The following FAM174A variants were observed in gnomAD, a reference collection of about 807,000 sequenced individuals.
FAM174A encodes the protein family with sequence similarity 174 member A, also known as membrane protein FAM174A.
FAM174A carries 14 observed loss-of-function variants against 14.3 expected under a neutral mutation model. The observed-to-expected ratio is 0.98, with a 90% CI of 0.65 to 1.53. FAM174A has a LOEUF of 1.53. FAM174A is among the 40% of genes most tolerant of loss of function. FAM174A has a pLI of 0.00. For missense variants in FAM174A, 241 were observed against 249.6 expected, an observed-to-expected ratio of 0.97 and a Z score of 0.23; for synonymous variants, 108 against 111.4, an observed-to-expected ratio of 0.97 and a Z score of 0.19.
chr5:100,579,792 T>C (rs1288001137), intron 2 of FAM174A, among the ~76,000 whole-genome samples: 1 of 152,226 alleles, frequency 6.6e-6, no homozygotes, highest in African/African-American at 2.4e-5. Context: ...CTGTGCTTTC[T>C]TTCTGAAGAA....
intron 1 of FAM174A, among the ~76,000 whole-genome samples, chr5:100,536,489 A>G (rs543516542): frequency 6.6e-6 from 1 of 152,330 alleles, no homozygotes; most frequent in Non-Finnish European, 1.5e-5. Flanking sequence ...CCTTATGGAT[A>G]TTTTATTTTT....
At chr5:100,541,996 A>G (rs1006305220) in intron 1 of FAM174A, among the ~76,000 whole-genome samples, 8 of 152,104 alleles carry the variant, frequency 5.3e-5, no homozygotes, top group Non-Finnish European at 1.0e-4. Context: ...CTACAAGCTA[A>G]TGTCTGGAGA....
chr5:100,555,072 T>TC (rs913240512), intron 1 of FAM174A, among the ~76,000 whole-genome samples: 4 of 151,584 alleles, frequency 2.6e-5, no homozygotes, highest in Non-Finnish European at 5.9e-5. Context: ...ATGCTATCCC[T>TC]CCCCCCTACC....
intron 1 of FAM174A, among the ~76,000 whole-genome samples, chr5:100,541,717 T>C (rs1164426970): frequency 6.6e-6 from 1 of 152,128 alleles, no homozygotes; most frequent in Non-Finnish European, 1.5e-5. Context: ...AATGTTCCCA[T>C]TTCCATGCCT....
At chr5:100,558,696 C>A (rs546160224) in intron 1 of FAM174A, among the ~76,000 whole-genome samples, 1 of 152,124 alleles carries the variant, frequency 6.6e-6, no homozygotes, top group South Asian at 2.1e-4. Context: ...TATGTAATGG[C>A]CTTCTTTGTC....
intron 1 of FAM174A, among the ~76,000 whole-genome samples, chr5:100,547,336 T>A (rs1580364591): frequency 6.6e-6 from 1 of 152,132 alleles, no homozygotes; most frequent in Non-Finnish European, 1.5e-5. Context: ...ATTTCCATAT[T>A]TTTAATGGTG....
chr5:100,582,406 A>G (rs1179050231), intron 2 of FAM174A, among the ~76,000 whole-genome samples: 1 of 152,064 alleles, frequency 6.6e-6, no homozygotes, highest in Non-Finnish European at 1.5e-5. Flanking sequence ...TGTTTTTCCA[A>G]TGAAGTTCTA....
chr5:100,539,514 T>C (rs1746009867), intron 1 of FAM174A, among the ~76,000 whole-genome samples: 1 of 152,212 alleles, frequency 6.6e-6, no homozygotes, highest in East Asian at 1.9e-4. Flanking sequence ...CTTTTACTTA[T>C]CATCCTAATA....
intron 1 of FAM174A, among the ~76,000 whole-genome samples, chr5:100,554,824 G>A (rs1011794036): frequency 8.6e-5 from 13 of 152,038 alleles, no homozygotes; most frequent in African/African-American, 3.1e-4. Flanking sequence ...ATTTTTAAGG[G>A]TGGTAAACAA....
At chr5:100,559,781 C>T (rs1019615239) in intron 1 of FAM174A, among the ~76,000 whole-genome samples, 5 of 151,944 alleles carry the variant, frequency 3.3e-5, no homozygotes, top group African/African-American at 1.2e-4. Context: ...GTTCTCTTGC[C>T]ATGGTTTTCA....
chr5:100,582,030 T>C (rs1747027777), intron 2 of FAM174A, among the ~76,000 whole-genome samples: 1 of 152,208 alleles, frequency 6.6e-6, no homozygotes, highest in African/African-American at 2.4e-5. Flanking sequence ...GGGTCTCATA[T>C]ATAGTCAAGT....
chr5:100,578,318 T>A (rs1406474761), intron 2 of FAM174A, among the ~76,000 whole-genome samples: 3 of 152,170 alleles, frequency 2.0e-5, no homozygotes, highest in African/African-American at 7.2e-5. Context: ...TCTTGAATCT[T>A]GATTCCTCCT....
intron 2 of FAM174A, chr5:100,581,344 C>G: frequency 1.0e-6 from 1 of 983,706 alleles, no homozygotes; most frequent in Non-Finnish European, 1.2e-6. Context: ...CCACTTTTTT[C>G]AGACTGCTGT....
intron 2 of FAM174A, among the ~76,000 whole-genome samples, chr5:100,569,317 C>A (rs1233176357): frequency 6.6e-6 from 1 of 151,474 alleles, no homozygotes; most frequent in African/African-American, 2.4e-5. Context: ...AGCTATAAGT[C>A]ATGCCATTTA....
At chr5:100,576,430 T>C (rs1426856768) in intron 2 of FAM174A, among the ~76,000 whole-genome samples, 2 of 152,144 alleles carry the variant, frequency 1.3e-5, no homozygotes, top group Non-Finnish European at 2.9e-5. Flanking sequence ...AGATGGTAAC[T>C]TTAACTGGAA....
intron 1 of FAM174A, among the ~76,000 whole-genome samples, chr5:100,542,054 A>T (rs1418385972): frequency 6.6e-6 from 1 of 152,108 alleles, no homozygotes; most frequent in Non-Finnish European, 1.5e-5. Context: ...GCCCAATCTG[A>T]TTCCTAGAAT....
At chr5:100,540,401 A>G (rs1746025744) in intron 1 of FAM174A, among the ~76,000 whole-genome samples, 1 of 152,156 alleles carries the variant, frequency 6.6e-6, no homozygotes, top group Non-Finnish European at 1.5e-5. Flanking sequence ...CATTCATGGA[A>G]CTTCCATTAT....
intron 1 of FAM174A, among the ~76,000 whole-genome samples, chr5:100,556,794 T>C (rs1746395224): frequency 6.6e-6 from 1 of 152,188 alleles, no homozygotes; most frequent in Admixed American, 6.5e-5. Context: ...ACTGATTTTG[T>C]TTCCTGAGAC....
rs1580381625 is a variant in FAM174A, at chr5:100,586,250, G to A, written c.*66G>A. 1.7e-6 allele frequency: 2 copies of A among 1,158,418 alleles called. No individual in the cohort carries two copies. The highest frequency in any genetic ancestry group is 1.2e-6 in the Non-Finnish European group (1 of 810,706). 71.8% of individuals were successfully genotyped at this position (1,158,418 alleles called of 1,614,324 possible). Reference sequence around the variant, plus strand: ...GAAGAGTGGAATTTCTATGTTTAAGGAATAAGAAGCCACTATATCAATGTT... The same window carrying A: ...GAAGAGTGGAATTTCTATGTTTAAGAAATAAGAAGCCACTATATCAATGTT... On this transcript the variant is annotated 3_prime_UTR_variant, in exon 3 of 3. Transcript: ENST00000312637.
Sources: gnomAD v4.1 joint callset for allele counts (sites outside exome capture counted in the v4.1 genomes callset) on GRCh38, gnomAD v4.1.1 for gene constraint, MANE v1.5 for transcripts, NCBI Gene and HGNC (gene_info 2026-07-23, HGNC 2026-07-21) for gene names.